LAIR2: variants seen among roughly 807,000 people sequenced by gnomAD.
The protein encoded by LAIR2 is leukocyte-associated immunoglobulin-like receptor 2.
LAIR2 carries 14 observed loss-of-function variants against 14.8 expected under a neutral mutation model. The ratio of observed to expected loss-of-function variants is 0.95; its 90% CI spans 0.62 to 1.48. The LOEUF (loss-of-function observed/expected upper bound fraction) is 1.48. Ranked by LOEUF, LAIR2 falls within the 40% of genes most tolerant of loss-of-function variation. LAIR2 has a pLI of 0.00. For synonymous variants in LAIR2, 75 were observed against 74.5 expected, an observed-to-expected ratio of 1.01 and a Z score of -0.03; for missense variants, 172 against 180.9, an observed-to-expected ratio of 0.95 and a Z score of 0.28.
chr19:54,508,464 G>T (rs2085410114), intron 3 of LAIR2, among the ~76,000 whole-genome samples: 1 of 152,248 alleles, frequency 6.6e-6, no homozygotes, highest in Non-Finnish European at 1.5e-5. Context: ...GCTTGGCTGG[G>T]TGGGGAGTGG....
chr19:54,506,116 C>T (rs188795641), intron 2 of LAIR2, among the ~76,000 whole-genome samples: 130 of 152,166 alleles, frequency 8.5e-4, no homozygotes, highest in African/African-American at 2.9e-3. Flanking sequence ...TGAGACACCG[C>T]GCCTGGTCTG....
rs537480663 is a variant in LAIR2, at chr19:54,508,129, T to G, written c.309T>G (p.Tyr103Ter). The part of the protein sequence containing the change: ...EGNAGLYRCL[Y>*]YKPPGWSEHS... ...ATGCCGGGCTTTATCGCTGCCTCTA[T>G]TATAAGCCCCCTGGATGGTCTGAGC... The change falls in exon 3 of 5, where the codon TAT (tyrosine) becomes TAG (stop). Residue 103 changes from tyrosine (Y) to a stop codon, truncating the protein, a stop_gained. Coordinates refer to ENST00000301202, the MANE Select transcript of LAIR2 (RefSeq NM_002288.6). LOFTEE classifies it high-confidence loss of function. 1.2e-6 allele frequency: 2 copies of G among 1,614,102 alleles called. No individual in the cohort carries two copies. Among genetic ancestry groups the G allele is most frequent in the East Asian group, 2.2e-5 (1 of 44,886 alleles).
intron 1 of LAIR2, 85 bp from the exon 2 acceptor site, chr19:54,503,615 C>A (rs2085313936): frequency 6.4e-7 from 1 of 1,567,784 alleles, no homozygotes; most frequent in Non-Finnish European, 8.8e-7. Context: ...TGAATGCCCC[C>A]CAGCTCCGTC....
Position 54,507,997 on chromosome 19 carries a change from C to T in LAIR2, c.177C>T (p.Arg59=). The T allele has an allele frequency of 6.2e-7, 1 of 1,614,142 alleles. No individual in the cohort carries two copies. ...CRGPVGVQTF[R]LEREDRAKYK... ...GCCCGGTTGGGGTTCAAACATTCCG[C>T]CTGGAGAGGGAGGATAGAGCCAAGT... Residue 59 remains arginine (R), a synonymous_variant, in exon 3 of 5, where the codon CGC becomes CGT. Transcript: ENST00000301202.
rs1568449072 is a variant in LAIR2, at chr19:54,508,043, T to C, written c.223T>C (p.Phe75Leu). The change falls in exon 3 of 5, where the codon TTT (phenylalanine) becomes CTT (leucine). Residue 75 changes from phenylalanine (F) to leucine (L), a missense_variant. By Grantham distance (22) the Phe-to-Leu change is conservative (BLOSUM62 0). Around this residue, in one of 2 missense-constraint regions of LAIR2, gnomAD observed 161 missense variants for 149.0 expected, o/e 1.08. Transcript: ENST00000301202. ...CAAGTACAAAGATAGTTATAATGTG[T>C]TTCGACTTGGTCCATCTGAGTCAGA... ...RAKYKDSYNVFRLGPSESEAR... is the reference protein window; with the variant it reads ...RAKYKDSYNVLRLGPSESEAR... 6.2e-7 allele frequency: 1 copy of C among 1,614,058 alleles called. No homozygotes were observed. Among genetic ancestry groups the C allele is most frequent in the Non-Finnish European group, 8.5e-7 (1 of 1,180,020 alleles).
rs370205709 is a variant in LAIR2, at chr19:54,510,553, G to A, written c.443G>A (p.Gly148Glu). The change falls in exon 5 of 5, where the codon GGA (glycine) becomes GAA (glutamate). Residue 148 changes from glycine (G) to glutamate (E), a missense_variant. Gly to Glu is a moderately conservative substitution (Grantham distance 98). Around this residue, in one of 2 missense-constraint regions of LAIR2, gnomAD observed 11 missense variants for 31.9 expected, o/e 0.34. Coordinates refer to ENST00000301202, the MANE Select transcript of LAIR2 (RefSeq NM_002288.6). ...AGTVPGTEAS[G>E]FDAP The stretch of plus-strand genomic sequence containing the variant: ...ACTGTGCCAGGCACTGAAGCCTCCG[G>A]ATTTGATGCACCATGAATGAGGAGA... The A allele has an allele frequency of 1.4e-5, 23 of 1,613,820 alleles. No individual in the cohort carries two copies. The highest frequency in any genetic ancestry group is 1.9e-5 in the Non-Finnish European group (22 of 1,179,750).
chr19:54,506,869 CTA>C (rs1294070705), intron 2 of LAIR2, among the ~76,000 whole-genome samples: 2 of 152,148 alleles, frequency 1.3e-5, no homozygotes, highest in Non-Finnish European at 2.9e-5. Flanking sequence ...AACATAATGA[CTA>C]GAGTTAATCA....
chr19:54,503,830 A>T (rs1026801077), intron 2 of LAIR2, 95 bp downstream of exon 2: 52 of 1,516,958 alleles, frequency 3.4e-5, no homozygotes, highest in Middle Eastern at 3.8e-4. Flanking sequence ...GGGCCTGGAG[A>T]GATCCCTTTA....
intron 4 of LAIR2, among the ~76,000 whole-genome samples, chr19:54,510,323 C>T (rs1011420319): frequency 5.3e-5 from 8 of 151,212 alleles, no homozygotes; most frequent in Non-Finnish European, 1.0e-4. Context: ...CACCCCCTGG[C>T]TCTATGCCTG....
chr19:54,509,813 C>T (rs1177292067), intron 4 of LAIR2, among the ~76,000 whole-genome samples: 2 of 151,634 alleles, frequency 1.3e-5, no homozygotes, highest in East Asian at 3.9e-4. Flanking sequence ...TGAAGCTGCC[C>T]CAAGTCCCTG....
intron 3 of LAIR2, among the ~76,000 whole-genome samples, chr19:54,508,589 G>A (rs1014490792): frequency 1.3e-5 from 2 of 152,230 alleles, no homozygotes; most frequent in African/African-American, 2.4e-5. Context: ...CCCAGGCAAT[G>A]TGCTTCTCCT....
chr19:54,510,116 A>G (rs369105749), intron 4 of LAIR2, among the ~76,000 whole-genome samples: 5,251 of 145,348 alleles, frequency 0.036, 148 homozygotes, highest in Middle Eastern at 0.066. Context: ...TGAGTCCCGC[A>G]GACCTGGTTC....
rs1168468179 is a variant in LAIR2, at chr19:54,502,907, G to C, written c.-12G>C. 6.2e-7 allele frequency: 1 copy of C among 1,614,092 alleles called. No homozygotes were observed. The stretch of plus-strand genomic sequence containing the variant: ...CTGCTTGTGTCTGCTGCAGAGTTCT[G>C]GGACCGGGGCCATGTCTCCACACCT... On this transcript the variant is annotated 5_prime_UTR_variant, in exon 1 of 5. Coordinates refer to ENST00000301202, the MANE Select transcript of LAIR2 (RefSeq NM_002288.6).
In LAIR2 at chr19:54,510,656, T is replaced by C. The variant is rs549441691; in HGVS notation, c.*87T>C. On this transcript the variant is annotated 3_prime_UTR_variant, in exon 5 of 5. Coordinates refer to ENST00000301202, the MANE Select transcript of LAIR2 (RefSeq NM_002288.6). The stretch of plus-strand genomic sequence containing the variant: ...ATAGAAATGCACAGATGCCTATACA[T>C]ACATATACAAATAAAAAGATACGAT... 1.9e-5 allele frequency: 28 copies of C among 1,450,440 alleles called. No individual in the cohort carries two copies. The highest frequency in any genetic ancestry group is 1.6e-4 in the East Asian group (7 of 44,064). The allele number at this position is 1,450,440 out of a possible 1,614,324, so 89.8% of individuals were successfully genotyped here.
Position 54,507,894 on chromosome 19 carries a change from C to T in LAIR2, c.74C>T (p.Ala25Val), listed in dbSNP as rs1337622458. The T allele has an allele frequency of 6.2e-7, 1 of 1,613,202 alleles. No individual in the cohort carries two copies. Among genetic ancestry groups the T allele is most frequent in the Non-Finnish European group, 8.5e-7 (1 of 1,179,408 alleles). ...LAQTIHTQEG[A>V]LPRPSISAEP... The stretch of plus-strand genomic sequence containing the variant: ...TCCTTCTTTGCTTCCCTCTTAGGGG[C>T]CCTTCCCAGACCCTCCATCTCGGCT... Residue 25 changes from alanine to valine, a missense_variant, in exon 3 of 5, where the codon GCC becomes GTC. This residue lies in a region of LAIR2 where 161 missense variants were observed against 149.0 expected (regional missense o/e 1.08). Transcript: ENST00000301202.
At chr19:54,504,645 T>C (rs1054036996) in intron 2 of LAIR2, among the ~76,000 whole-genome samples, 2 of 152,150 alleles carry the variant, frequency 1.3e-5, no homozygotes, top group Non-Finnish European at 2.9e-5. Context: ...AGTCTCACTC[T>C]GTCACCCAGG....
chr19:54,506,063 G>A (rs1468912756), intron 2 of LAIR2, among the ~76,000 whole-genome samples: 2 of 152,094 alleles, frequency 1.3e-5, no homozygotes, highest in Non-Finnish European at 2.9e-5. Context: ...GACCTCAGGT[G>A]AGCCGCCCAC....
intron 2 of LAIR2, among the ~76,000 whole-genome samples, chr19:54,506,846 T>G (rs2085372957): frequency 6.6e-6 from 1 of 152,224 alleles, no homozygotes; most frequent in Admixed American, 6.5e-5. Context: ...GGAGAGTAAG[T>G]TCAGGATTGT....
chr19:54,505,842 A>G (rs1600095625), intron 2 of LAIR2, among the ~76,000 whole-genome samples: 4 of 130,058 alleles, frequency 3.1e-5, no homozygotes, highest in South Asian at 4.8e-4. Context: ...TTTTTTTGAG[A>G]TGGTGTTTCA....
Sources: allele counts gnomAD v4.1 joint callset (sites outside exome capture counted in the v4.1 genomes callset), GRCh38; gene constraint gnomAD v4.1.1; regional missense constraint gnomAD v4.1.1; transcripts MANE v1.5; gene names NCBI Gene and HGNC (gene_info 2026-07-23, HGNC 2026-07-21).